CISH: variants seen among roughly 807,000 people sequenced by gnomAD.
CISH encodes cytokine-inducible SH2-containing protein.
In CISH, 11 loss-of-function variants were observed where a neutral mutation model predicts 21.3. The ratio of observed to expected loss-of-function variants is 0.52; its 90% CI spans 0.32 to 0.85. The LOEUF is 0.85. Among genes scored for constraint, CISH ranks in the 40% least tolerant of loss-of-function variants. CISH has a pLI of 0.03. For missense variants in CISH, 280 were observed against 351.7 expected (o/e 0.80, Z 1.63); for synonymous variants, 118 against 142.3 (o/e 0.83, Z 1.22).
At position 50,607,920 on chromosome 3, in the gene CISH, T is replaced by A; in HGVS notation, c.464A>T (p.Asp155Val). Reference sequence around the variant, plus strand: ...ATAGTGCTGCACAAGGCTGACCACATCCGGAAAGGCCAGGATGCGTGGCCT... The same window carrying A: ...ATAGTGCTGCACAAGGCTGACCACAACCGGAAAGGCCAGGATGCGTGGCCT... ...LSRPRILAFP[D>V]VVSLVQHYVA... The change falls in exon 3 of 3, where the codon GAT becomes GTT. Residue 155 changes from aspartate (D) to valine (V), a missense_variant. Physicochemically the swap from Asp to Val is radical, Grantham distance 152. Coordinates refer to ENST00000348721, the MANE Select transcript of CISH (RefSeq NM_145071.4). 6.2e-7 allele frequency: 1 copy of A among 1,613,774 alleles called. No homozygotes were observed. Among genetic ancestry groups the A allele is most frequent in the Non-Finnish European group, 8.5e-7 (1 of 1,180,006 alleles).
At position 50,607,898 on chromosome 3, in the gene CISH, G is replaced by C. The variant is rs419160; in HGVS notation, c.486C>G (p.His162Gln). 3.7e-6 allele frequency: 6 copies of C among 1,613,840 alleles called. No homozygotes were observed. The highest frequency in any genetic ancestry group is 1.7e-6 in the Non-Finnish European group (2 of 1,180,022). Residue 162 changes from histidine (H) to glutamine (Q), a missense_variant, in exon 3 of 3, where the codon CAC becomes CAG. Coordinates refer to ENST00000348721, the MANE Select transcript of CISH (RefSeq NM_145071.4). The stretch of plus-strand genomic sequence containing the variant: ...TATCAGCAGTGCAGGAGGCCACATA[G>C]TGCTGCACAAGGCTGACCACATCCG... ...AFPDVVSLVQ[H>Q]YVASCTADTR...
At chr3:50,611,077 C>G (rs2107561401) in intron 1 of CISH, 1 of 990,770 alleles carries the variant, frequency 1.0e-6, no homozygotes, top group Admixed American at 6.0e-5. Context: ...GGGGGTACCC[C>G]AAGCAGGACC....
intron 1 of CISH, chr3:50,610,510 G>T: frequency 6.5e-6 from 10 of 1,549,808 alleles, no homozygotes; most frequent in Non-Finnish European, 8.7e-6. Context: ...GTAGCCCTGA[G>T]CTTACAAGGG....
chr3:50,610,807 C>T, intron 1 of CISH: 2 of 1,116,930 alleles, frequency 1.8e-6, no homozygotes, highest in African/African-American at 3.2e-5. Flanking sequence ...TACCTTCTTC[C>T]TCTCTCCTTG....
chr3:50,609,202 C>T (rs2107559556), intron 1 of CISH: 1 of 152,368 alleles, frequency 6.6e-6, no homozygotes, highest in East Asian at 1.9e-4. Context: ...GAAATAATCC[C>T]CTACCCATAC....
In CISH at chr3:50,607,445, C is replaced by T. The variant is rs574910769; in HGVS notation, c.*162G>A. ...ACCTCCAAGTTGTGTGACACCTCCC[C>T]TCTCCCATGCCTTGCTCTTGCTGGC... is the stretch of plus-strand genomic sequence containing the variant. On this transcript the variant is annotated 3_prime_UTR_variant, in exon 3 of 3. Coordinates refer to ENST00000348721, the MANE Select transcript of CISH (RefSeq NM_145071.4). 99 of 707,902 alleles carry T rather than the reference C, an allele frequency of 1.4e-4. No homozygotes were observed. In the South Asian group the frequency reaches 1.8e-3, roughly 13 times the overall value. 43.9% of individuals were successfully genotyped at this position (707,902 alleles called of 1,614,324 possible). A position where few individuals can be genotyped will look rare whatever the true frequency, so the allele number is the denominator to read the frequency against.
In CISH at chr3:50,607,482, C is replaced by T; in HGVS notation, c.*125G>A. The T allele has an allele frequency of 9.7e-7, 1 of 1,032,382 alleles. No individual in the cohort carries two copies. Among genetic ancestry groups the T allele is most frequent in the Non-Finnish European group, 1.4e-6 (1 of 714,934 alleles). The allele number at this position is 1,032,382 out of a possible 1,614,324, so 64.0% of individuals were successfully genotyped here. A position where few individuals can be genotyped will look rare whatever the true frequency, so the allele number is the denominator to read the frequency against. The stretch of plus-strand genomic sequence containing the variant: ...TTGCTCTTGCTGGCTCTTCCTGGGC[C>T]AGCTGCCAGAGGTATGCAGGCACCA... On this transcript the variant is annotated 3_prime_UTR_variant, in exon 3 of 3. Coordinates refer to ENST00000348721, the MANE Select transcript of CISH (RefSeq NM_145071.4).
chr3:50,610,463 C>A (rs773996046), intron 1 of CISH: 12 of 1,551,408 alleles, frequency 7.7e-6, no homozygotes, highest in African/African-American at 4.1e-5. Flanking sequence ...CGCTTTGGAG[C>A]GCAGCAGTCT....
At position 50,607,271 on chromosome 3, in the gene CISH, T is replaced by A; in HGVS notation, c.*336A>T. On this transcript the variant is annotated 3_prime_UTR_variant, in exon 3 of 3. Transcript: ENST00000348721. ...ACCCTGGGGATTGAAAAACCAGGGC[T>A]GAGAGTGCCCATACAGTTCAGGTGG... 1 of 292,084 alleles carries A rather than the reference T, an allele frequency of 3.4e-6. No individual in the cohort carries two copies. Among genetic ancestry groups the A allele is most frequent in the Non-Finnish European group, 6.5e-6 (1 of 153,714 alleles). 18.1% of individuals were successfully genotyped at this position (292,084 alleles called of 1,614,324 possible). A position where few individuals can be genotyped will look rare whatever the true frequency, so the allele number is the denominator to read the frequency against.
intron 1 of CISH, 49 bp from the exon 2 acceptor site, chr3:50,608,642 T>C: frequency 7.6e-7 from 1 of 1,321,360 alleles, no homozygotes; most frequent in Non-Finnish European, 9.9e-7. Flanking sequence ...GCTTCCCCCA[T>C]CTCCAGAGAC....
At chr3:50,610,806 C>T in intron 1 of CISH, 1 of 1,117,968 alleles carries the variant, frequency 8.9e-7, no homozygotes, top group Non-Finnish European at 1.1e-6. Flanking sequence ...ATACCTTCTT[C>T]CTCTCTCCTT....
At chr3:50,608,652 C>A (rs1268526570) in intron 1 of CISH, 59 bp from the exon 2 acceptor site, 4 of 1,223,346 alleles carry the variant, frequency 3.3e-6, no homozygotes, top group Non-Finnish European at 4.3e-6. Context: ...TCTCCAGAGA[C>A]CCCCCTATGC....
At chr3:50,611,225 G>C in intron 1 of CISH, 1 of 1,065,396 alleles carries the variant, frequency 9.4e-7, no homozygotes, top group Non-Finnish European at 1.1e-6. Flanking sequence ...GACAGAGGGG[G>C]CCAGGGGCTG....
intron 1 of CISH, chr3:50,610,842 C>T: frequency 9.3e-7 from 1 of 1,076,778 alleles, no homozygotes; most frequent in South Asian, 2.9e-5. Flanking sequence ...CCTGTCACAT[C>T]ACCATGGCCA....
At position 50,607,568 on chromosome 3, in the gene CISH, G is replaced by A. The variant is rs1376262169; in HGVS notation, c.*39C>T. 3.2e-6 allele frequency: 5 copies of A among 1,569,656 alleles called. No individual in the cohort carries two copies. Among genetic ancestry groups the A allele is most frequent in the Non-Finnish European group, 4.3e-6 (5 of 1,154,274 alleles). On this transcript the variant is annotated 3_prime_UTR_variant, in exon 3 of 3. Transcript: ENST00000348721. ...CAGCTGGGGCTGATGTCCCCTCCAG[G>A]GTGCGACTGGGTGAGGGTGGGCAGA...
intron 2 of CISH, 92 bp downstream of exon 2, chr3:50,608,281 G>T: frequency 6.9e-7 from 1 of 1,458,416 alleles, no homozygotes; most frequent in Non-Finnish European, 9.3e-7. Context: ...CTCCTGGGCC[G>T]GGCTATGCCT....
chr3:50,608,327 C>A, intron 2 of CISH, 46 bp downstream of exon 2: 1 of 1,535,474 alleles, frequency 6.5e-7, no homozygotes, highest in Non-Finnish European at 8.8e-7. Context: ...TAAGCTTCTC[C>A]CACCAGACTA....
Position 50,607,849 on chromosome 3 carries a change from C to T in CISH, c.535G>A (p.Ala179Thr), listed in dbSNP as rs753924515. The change falls in exon 3 of 3, where the codon GCT becomes ACT. Residue 179 changes from alanine (A) to threonine (T), a missense_variant. Physicochemically the swap from Ala to Thr is moderately conservative, Grantham distance 58. Coordinates refer to ENST00000348721, the MANE Select transcript of CISH (RefSeq NM_145071.4). ...ADTRSDSPDP[A>T]PTPALPMPKE... ...GGCATAGGCAGGGCCGGGGTGGGAG[C>T]AGGATCGGGGCTGTCGCTTCGGGTA... is the stretch of plus-strand genomic sequence containing the variant. The T allele has an allele frequency of 2.5e-6, 4 of 1,613,684 alleles. No homozygotes were observed. Among genetic ancestry groups the T allele is most frequent in the Non-Finnish European group, 3.4e-6 (4 of 1,180,006 alleles).
At chr3:50,611,279 G>A in intron 1 of CISH, 1 of 1,212,582 alleles carries the variant, frequency 8.2e-7, no homozygotes, top group Non-Finnish European at 1.0e-6. Context: ...GGCTAGCGTA[G>A]AGTGCTCTGG....
Sources: gnomAD v4.1 joint callset for allele counts on GRCh38, gnomAD v4.1.1 for gene constraint, MANE v1.5 for transcripts, NCBI Gene and HGNC (gene_info 2026-07-23, HGNC 2026-07-21) for gene names.